Variants in REEP5 observed in about 807,000 individuals in gnomAD.
REEP5 encodes receptor accessory protein 5, also known as receptor expression-enhancing protein 5.
In REEP5, 24 loss-of-function variants were observed where a neutral mutation model predicts 22.4. The ratio of observed to expected loss-of-function variants is 1.07; its 90% CI spans 0.78 to 1.51. The LOEUF (loss-of-function observed/expected upper bound fraction) is 1.51. Among genes scored for constraint, REEP5 ranks in the 40% most tolerant of loss-of-function variants. The pLI is 0.00. For missense variants in REEP5, 252 were observed against 233.0 expected (o/e 1.08, Z -0.53); for synonymous variants, 103 against 88.6 (o/e 1.16, Z -0.92).
At chr5:112,891,304 C>T (rs538187347) in intron 3 of REEP5, among the ~76,000 whole-genome samples, 34 of 152,186 alleles carry the variant, frequency 2.2e-4, no homozygotes, top group African/African-American at 7.7e-4. Flanking sequence ...AACTCCTGGC[C>T]TCAGGTGATC....
intron 2 of REEP5, among the ~76,000 whole-genome samples, chr5:112,918,490 C>G (rs1769279152): frequency 6.6e-6 from 1 of 152,166 alleles, no homozygotes; most frequent in Non-Finnish European, 1.5e-5. Context: ...ACACTACTCC[C>G]CTTCTTGTGA....
At chr5:112,900,344 T>A (rs934147961) in intron 3 of REEP5, among the ~76,000 whole-genome samples, 1 of 152,228 alleles carries the variant, frequency 6.6e-6, no homozygotes, top group Non-Finnish European at 1.5e-5. Flanking sequence ...AATTTTTAGT[T>A]GAATTTATCA....
intron 3 of REEP5, chr5:112,892,535 G>T: frequency 6.2e-7 from 1 of 1,614,212 alleles, no homozygotes; most frequent in Non-Finnish European, 8.5e-7. Flanking sequence ...TGGTATGCAG[G>T]ACGACAGCTG....
At chr5:112,880,955 G>A (rs546018554) in intron 4 of REEP5, among the ~76,000 whole-genome samples, 3 of 151,764 alleles carry the variant, frequency 2.0e-5, no homozygotes, top group South Asian at 2.1e-4. Context: ...ATGGCATAAC[G>A]GTGTCTCTAC....
intron 3 of REEP5, among the ~76,000 whole-genome samples, chr5:112,901,714 A>C (rs922010055): frequency 4.3e-5 from 6 of 139,788 alleles, no homozygotes; most frequent in Admixed American, 2.8e-4. Context: ...TCCATCTCAG[A>C]AAAAAAAAAA....
At chr5:112,903,349 T>A (rs1397982987) in intron 2 of REEP5, among the ~76,000 whole-genome samples, 1 of 151,994 alleles carries the variant, frequency 6.6e-6, no homozygotes, top group Non-Finnish European at 1.5e-5. Flanking sequence ...ATGAAACAGG[T>A]TAACTACTGA....
rs568639529 is a variant in REEP5 at position 112,921,113 on chromosome 5, G to A, written c.212+50C>T. On this transcript the variant is annotated intron_variant, in intron 2 of 4. Coordinates refer to ENST00000379638, the MANE Select transcript of REEP5 (RefSeq NM_005669.5). ...GTGCAGTCTACTGCAGCAGCCCTGC[G>A]GGGAGGAATGGAGGAAGGGAAGGGG... is the stretch of plus-strand genomic sequence containing the variant. The A allele has an allele frequency of 2.6e-6, 4 of 1,561,344 alleles. No homozygotes were observed. In the East Asian group the frequency reaches 6.7e-5, roughly 26 times the overall value.
intron 2 of REEP5, among the ~76,000 whole-genome samples, chr5:112,911,669 T>A (rs1332450835): frequency 6.6e-6 from 1 of 152,252 alleles, no homozygotes; most frequent in Non-Finnish European, 1.5e-5. Flanking sequence ...TTTTGAGTTC[T>A]TGCTTTTAGG....
chr5:112,920,012 G>A (rs1045577442), intron 2 of REEP5, among the ~76,000 whole-genome samples: 14 of 152,106 alleles, frequency 9.2e-5, no homozygotes, highest in Non-Finnish European at 1.5e-5. Flanking sequence ...ATTTGCTCAC[G>A]GGGGTCTGTA....
At chr5:112,888,985 T>C (rs1055307120) in intron 3 of REEP5, among the ~76,000 whole-genome samples, 3 of 150,904 alleles carry the variant, frequency 2.0e-5, no homozygotes, top group African/African-American at 4.9e-5. Context: ...CGAGATGTGA[T>C]AGTTTTATAA....
rs1171336994 is a variant in REEP5 at position 112,877,466 on chromosome 5, A to G, written c.*1320T>C. The G allele has an allele frequency of 3.3e-5, 5 of 152,208 alleles. No individual in the cohort carries two copies. Among genetic ancestry groups the G allele is most frequent in the South Asian group, 2.1e-4 (1 of 4,830 alleles). The allele number at this position is 152,208 out of a possible 1,614,324, so 9.4% of individuals were successfully genotyped here. A position where few individuals can be genotyped will look rare whatever the true frequency, so the allele number is the denominator to read the frequency against. ...CTCTCTATAACGATTTGGCAGATCA[A>G]TGGAGACATCCGTTTTAACTTTACT... is the stretch of plus-strand genomic sequence containing the variant. On this transcript the variant is annotated 3_prime_UTR_variant, in exon 5 of 5. Coordinates refer to ENST00000379638, the MANE Select transcript of REEP5 (RefSeq NM_005669.5).
At chr5:112,878,878 T>C (rs775205549) in intron 4 of REEP5, 43 bp from the exon 5 acceptor site, 1 of 1,613,470 alleles carries the variant, frequency 6.2e-7, no homozygotes. Context: ...ATCAAAGCTC[T>C]TTCTTTGGAA....
chr5:112,911,796 C>CATATCACAT (rs1769109456), intron 2 of REEP5, among the ~76,000 whole-genome samples: 1 of 152,120 alleles, frequency 6.6e-6, no homozygotes, highest in Non-Finnish European at 1.5e-5. Context: ...AACCACTAGC[C>CATATCACAT]ATATCACATA....
At chr5:112,921,324 C>G (rs1056699887) in intron 1 of REEP5, 68 bp from the exon 2 acceptor site, 1 of 1,464,626 alleles carries the variant, frequency 6.8e-7, no homozygotes. Context: ...AGCCGCCGCC[C>G]ACACCGCGAG....
In REEP5 at chr5:112,876,602, G is replaced by C. The variant is rs1195574486; in HGVS notation, c.*2184C>G. 3 of 152,108 alleles carry C rather than the reference G, an allele frequency of 2.0e-5. No individual in the cohort carries two copies. Among genetic ancestry groups the C allele is most frequent in the Non-Finnish European group, 2.9e-5 (2 of 68,022 alleles). The allele number at this position is 152,108 out of a possible 1,614,324, so 9.4% of individuals were successfully genotyped here. Reference sequence around the variant, plus strand: ...CTTTCTTGAAGAATTTAAGCTGTTTGGTAGGAATTCTGTAACTACATACCT... The same window carrying C: ...CTTTCTTGAAGAATTTAAGCTGTTTCGTAGGAATTCTGTAACTACATACCT... On this transcript the variant is annotated 3_prime_UTR_variant, in exon 5 of 5. Coordinates refer to ENST00000379638, the MANE Select transcript of REEP5 (RefSeq NM_005669.5).
intron 2 of REEP5, among the ~76,000 whole-genome samples, chr5:112,911,051 G>C (rs569087574): frequency 1.1e-4 from 16 of 152,210 alleles, no homozygotes; most frequent in Non-Finnish European, 1.2e-4. Context: ...AAATACGGTA[G>C]AAGGCTTTGG....
chr5:112,921,491 G>T, intron 1 of REEP5: 1 of 562,586 alleles, frequency 1.8e-6, no homozygotes, highest in South Asian at 2.0e-5. Flanking sequence ...TCCCGCAGGG[G>T]GCCCCGGCGC....
At chr5:112,921,084 G>A (rs1043859400) in intron 2 of REEP5, 79 bp downstream of exon 2, 1 of 1,359,056 alleles carries the variant, frequency 7.4e-7, no homozygotes, top group Non-Finnish European at 1.0e-6. Context: ...CGGGAATTGC[G>A]GATGTGCAGT....
At chr5:112,888,866 C>G (rs1431707413) in intron 3 of REEP5, among the ~76,000 whole-genome samples, 1 of 150,722 alleles carries the variant, frequency 6.6e-6, no homozygotes, top group Non-Finnish European at 1.5e-5. Context: ...TCATCTTGAA[C>G]TGTAGCTCCC....
Sources: gnomAD v4.1 joint callset for allele counts (sites outside exome capture counted in the v4.1 genomes callset) on GRCh38, gnomAD v4.1.1 for gene constraint, MANE v1.5 for transcripts, NCBI Gene and HGNC (gene_info 2026-07-23, HGNC 2026-07-21) for gene names.